SHC4: variants seen among roughly 807,000 people sequenced by gnomAD.
SHC4 encodes SHC adaptor protein 4.
A neutral mutation model predicts 69.4 loss-of-function variants in SHC4; 41 were observed. That is an observed-to-expected ratio of 0.59 (90% confidence interval 0.46 to 0.77). The LOEUF (loss-of-function observed/expected upper bound fraction) is 0.77, where lower values mean the gene tolerates loss of function less well. Among genes scored for constraint, SHC4 ranks in the 30% least tolerant of loss-of-function variants. The pLI is 0.00. For synonymous variants in SHC4, 318 were observed against 299.3 expected, an observed-to-expected ratio of 1.06 and a Z score of -0.64; for missense variants, 777 against 783.8, an observed-to-expected ratio of 0.99 and a Z score of 0.10.
At chr15:48,848,658 ATGTAAATAAGAATAAGGGATTATGT>A (rs1207030208) in intron 9 of SHC4, among the ~76,000 whole-genome samples, 1 of 152,212 alleles carries the variant, frequency 6.6e-6, no homozygotes, top group Non-Finnish European at 1.5e-5. Flanking sequence ...GGAAATATAT[ATGTAAATAAGAATAAGGGATTATGT>A]TGTTTGTTGG....
At chr15:48,837,116 C>T (rs968174520) in intron 10 of SHC4, among the ~76,000 whole-genome samples, 6 of 152,134 alleles carry the variant, frequency 3.9e-5, no homozygotes, top group Admixed American at 1.3e-4. Context: ...TGCGTGATGG[C>T]TTTTGGTCTA....
At chr15:48,883,088 A>T (rs945209660) in intron 4 of SHC4, among the ~76,000 whole-genome samples, 3 of 152,138 alleles carry the variant, frequency 2.0e-5, no homozygotes, top group African/African-American at 7.2e-5. Context: ...TAGACCTCAA[A>T]ACCTGTACTT....
chr15:48,908,393 ATTGT>A (rs1459847054), intron 2 of SHC4, among the ~76,000 whole-genome samples: 2 of 151,482 alleles, frequency 1.3e-5, no homozygotes, highest in South Asian at 2.1e-4. Flanking sequence ...TTTTGATGGG[ATTGT>A]TTGTTTTCTT....
intron 4 of SHC4, among the ~76,000 whole-genome samples, chr15:48,883,754 A>G (rs1390651488): frequency 6.6e-6 from 1 of 152,232 alleles, no homozygotes; most frequent in Non-Finnish European, 1.5e-5. Flanking sequence ...ATTACCTTTT[A>G]TACAATAACA....
intron 4 of SHC4, among the ~76,000 whole-genome samples, chr15:48,876,284 C>A (rs1228097699): frequency 6.6e-6 from 1 of 152,172 alleles, no homozygotes; most frequent in East Asian, 1.9e-4. Flanking sequence ...GGATTTCTGA[C>A]ATTTCAAACA....
chr15:48,950,844 G>C (rs1232549879), intron 1 of SHC4, among the ~76,000 whole-genome samples: 1 of 152,106 alleles, frequency 6.6e-6, no homozygotes, highest in African/African-American at 2.4e-5. Context: ...ATATCCTGGA[G>C]GAGGGTAGGA....
chr15:48,924,864 T>C lies in SHC4; in HGVS notation c.656+15A>G. ...ACCATACTCCTCAAAGCCCCTCCCATTTTTGGCTTCTTACCTTGTAACTTG... is the reference window on the plus strand; with the variant it reads ...ACCATACTCCTCAAAGCCCCTCCCACTTTTGGCTTCTTACCTTGTAACTTG... On this transcript the variant is annotated intron_variant, in intron 2 of 11. Transcript: ENST00000332408. The C allele has an allele frequency of 1.2e-6, 2 of 1,613,690 alleles. No homozygotes were observed. The highest frequency in any genetic ancestry group is 1.7e-6 in the Non-Finnish European group (2 of 1,179,606).
intron 2 of SHC4, among the ~76,000 whole-genome samples, chr15:48,920,335 A>G (rs1038283475): frequency 4.6e-5 from 7 of 150,868 alleles, no homozygotes; most frequent in African/African-American, 1.7e-4. Flanking sequence ...AATTCCAATT[A>G]CCTTCAACTG....
intron 1 of SHC4, among the ~76,000 whole-genome samples, chr15:48,956,930 ACTT>A (rs143379431): frequency 0.024 from 3,548 of 147,316 alleles, 140 homozygotes; most frequent in African/African-American, 0.085. Context: ...TTTTGTTCAA[ACTT>A]CTTCTTCTTT....
At chr15:48,870,431 CTTAACATTTGGTT>C (rs1283047765) in intron 5 of SHC4, among the ~76,000 whole-genome samples, 1 of 152,130 alleles carries the variant, frequency 6.6e-6, no homozygotes, top group Non-Finnish European at 1.5e-5. Flanking sequence ...AGGTGGAACT[CTTAACATTTGGTT>C]TACTTTTAAA....
intron 4 of SHC4, chr15:48,879,446 C>T (rs1220241419): frequency 6.0e-6 from 1 of 167,048 alleles, no homozygotes; most frequent in Admixed American, 6.5e-5. Context: ...AAAATTAAGA[C>T]ATCCTTAATT....
intron 2 of SHC4, among the ~76,000 whole-genome samples, chr15:48,921,010 G>T (rs562103343): frequency 3.4e-4 from 52 of 151,990 alleles, no homozygotes; most frequent in African/African-American, 1.2e-3. Flanking sequence ...GGCAGAGGAA[G>T]AGAAGAGAAT....
At chr15:48,877,492 A>C in intron 4 of SHC4, 4 of 984,712 alleles carry the variant, frequency 4.1e-6, no homozygotes, top group Non-Finnish European at 4.8e-6. Flanking sequence ...TTTAAAAAAC[A>C]CACAAAATAG....
At chr15:48,827,416 G>A (rs1287339476) in intron 11 of SHC4, among the ~76,000 whole-genome samples, 1 of 152,156 alleles carries the variant, frequency 6.6e-6, no homozygotes, top group Admixed American at 6.6e-5. Context: ...GCACCAATTT[G>A]CTCTCAAATG....
Position 48,963,245 on chromosome 15 carries a change from GCACCAGTGTTCT to G in SHC4, c.-242_-231del, listed in dbSNP as rs1226804624. On this transcript the variant is annotated 5_prime_UTR_variant, in exon 1 of 12. Coordinates refer to ENST00000332408, the MANE Select transcript of SHC4 (RefSeq NM_203349.4). Reference sequence around the variant, plus strand: ...CAGTCTCTCCCTGGCCCAGGCAGAGGCACCAGTGTTCTCGCCTTGGAATCCTTGTCGGGAGAG... The same window carrying G: ...CAGTCTCTCCCTGGCCCAGGCAGAGGCGCCTTGGAATCCTTGTCGGGAGAG... The G allele has an allele frequency of 8.1e-6, 4 of 492,206 alleles. No homozygotes were observed. The highest frequency in any genetic ancestry group is 1.4e-5 in the Non-Finnish European group (4 of 282,230). 30.5% of individuals were successfully genotyped at this position (492,206 alleles called of 1,614,324 possible).
chr15:48,874,139 A>T (rs1021926908), intron 4 of SHC4, among the ~76,000 whole-genome samples: 1 of 152,226 alleles, frequency 6.6e-6, no homozygotes, highest in African/African-American at 2.4e-5. Context: ...TGAAAGAATA[A>T]ATGCACAAGA....
At chr15:48,852,367 A>T (rs1414817032) in intron 8 of SHC4, among the ~76,000 whole-genome samples, 1 of 152,226 alleles carries the variant, frequency 6.6e-6, no homozygotes, top group Non-Finnish European at 1.5e-5. Flanking sequence ...AATAAGATGG[A>T]TCAATGTATG....
chr15:48,869,562 C>G (rs542641033), intron 5 of SHC4, among the ~76,000 whole-genome samples: 4 of 152,338 alleles, frequency 2.6e-5, no homozygotes, highest in African/African-American at 9.6e-5. Context: ...TGTATCATTT[C>G]ACTTAATTCC....
At chr15:48,913,864 T>C (rs1900562411) in intron 2 of SHC4, among the ~76,000 whole-genome samples, 1 of 152,198 alleles carries the variant, frequency 6.6e-6, no homozygotes, top group Non-Finnish European at 1.5e-5. Context: ...CGCAAACAGA[T>C]CTTCAGCTTC....
Sources: gnomAD v4.1 joint callset for allele counts (sites outside exome capture counted in the v4.1 genomes callset) on GRCh38, gnomAD v4.1.1 for gene constraint, MANE v1.5 for transcripts, NCBI Gene and HGNC (gene_info 2026-07-23, HGNC 2026-07-21) for gene names.